Variants in PTPRD observed in about 807,000 individuals in gnomAD.
The protein encoded by PTPRD is protein tyrosine phosphatase receptor type D.
In PTPRD, 34 loss-of-function variants were observed where a neutral mutation model predicts 214.5. The observed-to-expected ratio is 0.16, with a 90% confidence interval of 0.12 to 0.21. PTPRD has a LOEUF of 0.21. Among genes scored for constraint, PTPRD ranks in the 10% least tolerant of loss-of-function variants. PTPRD has a pLI of 1.00. For missense variants in PTPRD, 2,545 were observed against 2,398.7 expected, an observed-to-expected ratio of 1.06 and a Z score of -1.27; for synonymous variants, 1,128 against 845.7, an observed-to-expected ratio of 1.33 and a Z score of -5.79.
At chr9:10,162,267 A>C (rs1207145643) in intron 3 of PTPRD, among the ~76,000 whole-genome samples, 3 of 151,590 alleles carry the variant, frequency 2.0e-5, no homozygotes, top group Non-Finnish European at 4.4e-5. Context: ...AGCACCCTTT[A>C]CAAAAAAAAT....
intron 7 of PTPRD, among the ~76,000 whole-genome samples, chr9:9,601,153 G>T (rs576806376): frequency 4.3e-5 from 4 of 94,090 alleles, no homozygotes; most frequent in East Asian, 2.5e-4. Flanking sequence ...GTGTGTGTAT[G>T]GGGGGGGGAG....
At chr9:9,452,304 T>C (rs990064578) in intron 8 of PTPRD, among the ~76,000 whole-genome samples, 2 of 151,504 alleles carry the variant, frequency 1.3e-5, no homozygotes, top group African/African-American at 4.8e-5. Context: ...AATTCTATAC[T>C]CATTAAAAAT....
rs2135940660 is a variant in PTPRD at position 8,486,031 on chromosome 9, C to A, written c.2786G>T (p.Gly929Val). ...TAACTGGACGGAGGTTGAAGTGGTG[C>A]CTTCTGAGTGAAGGTTTTGAGGGAA... ...TGFPQNLHSE[G>V]TTSTSVQLSW... Residue 929 changes from glycine (G) to valine (V), a missense_variant, in exon 28 of 46, where the codon GGC becomes GTC. By Grantham distance (109) the Gly-to-Val change is moderately radical. Transcript: ENST00000381196. The A allele has an allele frequency of 6.2e-7, 1 of 1,614,084 alleles. No homozygotes were observed. Among genetic ancestry groups the A allele is most frequent in the African/African-American group, 1.3e-5 (1 of 75,014 alleles).
intron 4 of PTPRD, among the ~76,000 whole-genome samples, chr9:9,947,533 T>TTA (rs1416413687): frequency 0.028 from 484 of 17,326 alleles, 19 homozygotes; most frequent in African/African-American, 0.21. Context: ...TATATATATT[T>TTA]TATATATAAT....
intron 14 of PTPRD, among the ~76,000 whole-genome samples, chr9:8,606,586 T>C (rs1416490834): frequency 1.3e-5 from 2 of 152,194 alleles, no homozygotes; most frequent in Non-Finnish European, 2.9e-5. Context: ...CCAGATGCTA[T>C]TTAGGGCACC....
chr9:9,026,639 A>AT (rs914504654), intron 10 of PTPRD, among the ~76,000 whole-genome samples: 11 of 151,460 alleles, frequency 7.3e-5, no homozygotes, highest in African/African-American at 1.7e-4. Context: ...CCTGCTCTTG[A>AT]TTTTTTTTGT....
chr9:9,794,092 A>G (rs1351393435), intron 5 of PTPRD, among the ~76,000 whole-genome samples: 2 of 151,932 alleles, frequency 1.3e-5, no homozygotes, highest in Non-Finnish European at 2.9e-5. Flanking sequence ...AGGTGTTCAG[A>G]GCTCATCAAG....
intron 5 of PTPRD, among the ~76,000 whole-genome samples, chr9:9,885,820 G>A (rs2070666100): frequency 6.6e-6 from 1 of 151,862 alleles, no homozygotes; most frequent in Non-Finnish European, 1.5e-5. Flanking sequence ...TATGCTTTGT[G>A]CCTGTAAATT....
In PTPRD at chr9:10,367,390, T is replaced by G. The variant is rs560200950; in HGVS notation, c.-599-26373A>C. On this transcript the variant is annotated intron_variant, in intron 2 of 45. Coordinates refer to ENST00000381196, the MANE Select transcript of PTPRD (RefSeq NM_002839.4). Reference sequence around the variant, plus strand: ...ATAATAATCATAAAAGGAAGAGTTCTGCCCACTTCCTTGCCTACCTCTTTA... The same window carrying G: ...ATAATAATCATAAAAGGAAGAGTTCGGCCCACTTCCTTGCCTACCTCTTTA... 1.2e-4 allele frequency among the ~76,000 whole-genome samples: 18 copies of G among 152,246 alleles called. No individual in the cohort carries two copies. The East Asian group carries it at 2.1e-3, about 18-fold the overall frequency.
intron 11 of PTPRD, among the ~76,000 whole-genome samples, chr9:8,747,081 A>G (rs945754315): frequency 1.3e-5 from 2 of 152,196 alleles, no homozygotes; most frequent in African/African-American, 4.8e-5. Context: ...GAATTTCTCT[A>G]TCTTTTGTGG....
intron 9 of PTPRD, among the ~76,000 whole-genome samples, chr9:9,275,075 T>C (rs1944552078): frequency 1.3e-5 from 1 of 76,876 alleles, no homozygotes; most frequent in Admixed American, 2.2e-4. Context: ...ATTATATATA[T>C]ATATATAATA....
chr9:9,011,027 C>G (rs1452022363), intron 11 of PTPRD, among the ~76,000 whole-genome samples: 1 of 152,106 alleles, frequency 6.6e-6, no homozygotes, highest in Admixed American at 6.6e-5. Flanking sequence ...ATGTAGCATG[C>G]TCATAATTTA....
intron 10 of PTPRD, among the ~76,000 whole-genome samples, chr9:9,108,224 A>G (rs1454037058): frequency 5.3e-5 from 8 of 152,112 alleles, no homozygotes. Context: ...TCTCCCCAGA[A>G]TGGCATTTCT....
intron 5 of PTPRD, among the ~76,000 whole-genome samples, chr9:9,886,274 T>C (rs757962423): frequency 2.5e-4 from 38 of 152,172 alleles, no homozygotes; most frequent in Non-Finnish European, 2.5e-4. Flanking sequence ...TCCTGTTTTA[T>C]ATGTTTGAAT....
At chr9:10,265,600 C>G (rs2094000072) in intron 3 of PTPRD, among the ~76,000 whole-genome samples, 1 of 152,188 alleles carries the variant, frequency 6.6e-6, no homozygotes, top group South Asian at 2.1e-4. Context: ...CACAACTACT[C>G]AACTCTGTCA....
In PTPRD at chr9:8,485,813, G is replaced by A. The variant is rs1189677465; in HGVS notation, c.3004C>T (p.Pro1002Ser). 1 of 1,613,874 alleles carries A rather than the reference G, an allele frequency of 6.2e-7. No homozygotes were observed. The highest frequency in any genetic ancestry group is 8.5e-7 in the Non-Finnish European group (1 of 1,180,022). ...TGGACACTGGGACTATATGGCCCGG[G>A]CCCTTTGCTCGTATGAGCACGTACT... ...VKVRAHTSKGPGPYSPSVQFR... is the reference protein window; with the variant it reads ...VKVRAHTSKGSGPYSPSVQFR... Residue 1002 changes from proline to serine, a missense_variant, in exon 28 of 46, where the codon CCC becomes TCC. Coordinates refer to ENST00000381196, the MANE Select transcript of PTPRD (RefSeq NM_002839.4).
chr9:10,230,366 T>G (rs1178850850), intron 3 of PTPRD, among the ~76,000 whole-genome samples: 3 of 151,992 alleles, frequency 2.0e-5, no homozygotes, highest in African/African-American at 4.8e-5. Context: ...CTCCCTGATC[T>G]TCTTAGTCTT....
intron 9 of PTPRD, among the ~76,000 whole-genome samples, chr9:9,339,444 C>A (rs1400662754): frequency 6.6e-6 from 1 of 151,886 alleles, no homozygotes; most frequent in Non-Finnish European, 1.5e-5. Flanking sequence ...CGAGATCTCG[C>A]CACTGCACTC....
At chr9:9,580,903 T>C (rs2090579154) in intron 7 of PTPRD, among the ~76,000 whole-genome samples, 2 of 152,030 alleles carry the variant, frequency 1.3e-5, no homozygotes, top group South Asian at 2.1e-4. Flanking sequence ...GTTGTTTGAG[T>C]TCATTGTAAA....
Sources: gnomAD v4.1 joint callset for allele counts (sites outside exome capture counted in the v4.1 genomes callset) on GRCh38, gnomAD v4.1.1 for gene constraint, MANE v1.5 for transcripts, NCBI Gene and HGNC (gene_info 2026-07-23, HGNC 2026-07-21) for gene names.